The following GUCY1A2 variants were observed in gnomAD, a reference collection of about 807,000 sequenced individuals.
GUCY1A2 encodes the protein guanylate cyclase 1 soluble subunit alpha 2.
A neutral mutation model predicts 63.5 loss-of-function variants in GUCY1A2; 27 were observed. That is an observed-to-expected ratio of 0.43 (90% CI 0.31 to 0.59). The LOEUF is 0.59. Among genes scored for constraint, GUCY1A2 ranks in the 20% least tolerant of loss-of-function variants. The probability of loss-of-function intolerance (pLI) is 0.11; values close to 1 mark genes in which losing one functional copy is unlikely to be tolerated. For synonymous variants in GUCY1A2, 364 were observed against 343.5 expected, an observed-to-expected ratio of 1.06 and a Z score of -0.66; for missense variants, 768 against 913.3, an observed-to-expected ratio of 0.84 and a Z score of 2.05.
chr11:106,801,131 A>T (rs1307791906), intron 5 of GUCY1A2, among the ~76,000 whole-genome samples: 1 of 152,150 alleles, frequency 6.6e-6, no homozygotes, highest in African/African-American at 2.4e-5. Context: ...GATATCCAAC[A>T]CATATTCAAA....
At chr11:107,003,827 C>T (rs1311971281) in intron 1 of GUCY1A2, among the ~76,000 whole-genome samples, 3 of 152,144 alleles carry the variant, frequency 2.0e-5, no homozygotes, top group Non-Finnish European at 4.4e-5. Flanking sequence ...AGGAGATTAG[C>T]ATGCAGGAAA....
At chr11:106,841,572 A>G (rs1236279416) in intron 4 of GUCY1A2, among the ~76,000 whole-genome samples, 1 of 151,928 alleles carries the variant, frequency 6.6e-6, no homozygotes, top group Non-Finnish European at 1.5e-5. Context: ...TTGCCCTTCA[A>G]CCAAGATCAT....
At chr11:106,806,451 G>T (rs903246554) in intron 5 of GUCY1A2, among the ~76,000 whole-genome samples, 1 of 152,116 alleles carries the variant, frequency 6.6e-6, no homozygotes, top group Admixed American at 6.6e-5. Context: ...AAAATCAAAG[G>T]CTTTCCCAAA....
chr11:106,859,532 A>T (rs111329803), intron 4 of GUCY1A2, among the ~76,000 whole-genome samples: 34 of 152,120 alleles, frequency 2.2e-4, no homozygotes, highest in African/African-American at 8.2e-4. Flanking sequence ...TGCAAAAGGC[A>T]TGATCAAAAA....
At chr11:106,706,394 A>G (rs534415796) in intron 7 of GUCY1A2, among the ~76,000 whole-genome samples, 4 of 152,256 alleles carry the variant, frequency 2.6e-5, no homozygotes, top group Admixed American at 2.0e-4. Context: ...GTGCAGAACA[A>G]TAACACAACA....
At chr11:107,014,484 T>C (rs1392245705) in intron 1 of GUCY1A2, among the ~76,000 whole-genome samples, 2 of 152,200 alleles carry the variant, frequency 1.3e-5, no homozygotes, top group South Asian at 2.1e-4. Context: ...AAGTTTCTCA[T>C]TGTTCAAGGC....
chr11:106,926,962 G>C (rs1297019268), intron 4 of GUCY1A2, among the ~76,000 whole-genome samples: 4 of 149,282 alleles, frequency 2.7e-5, no homozygotes, highest in African/African-American at 7.4e-5. Context: ...GGACAATTGT[G>C]CATTCTCTTC....
intron 5 of GUCY1A2, among the ~76,000 whole-genome samples, chr11:106,797,175 T>A (rs1018600853): frequency 6.6e-6 from 1 of 152,090 alleles, no homozygotes; most frequent in African/African-American, 2.4e-5. Context: ...TAGCCATTCG[T>A]CTAATCTTTT....
intron 7 of GUCY1A2, among the ~76,000 whole-genome samples, chr11:106,698,362 A>C (rs1026329199): frequency 6.6e-6 from 1 of 151,236 alleles, no homozygotes; most frequent in African/African-American, 2.4e-5. Flanking sequence ...AACTCAAGTG[A>C]TCCTCTCCCC....
chr11:106,729,524 G>A (rs1366628400), intron 6 of GUCY1A2, among the ~76,000 whole-genome samples: 1 of 152,036 alleles, frequency 6.6e-6, no homozygotes, highest in Non-Finnish European at 1.5e-5. Flanking sequence ...AAATGGAAAG[G>A]AAATTAGAAG....
At chr11:106,921,290 G>C (rs1424559413) in intron 4 of GUCY1A2, among the ~76,000 whole-genome samples, 1 of 151,974 alleles carries the variant, frequency 6.6e-6, no homozygotes, top group East Asian at 1.9e-4. Context: ...GACCTGACTA[G>C]AAAAATCCCT....
chr11:106,873,712 G>A lies in GUCY1A2; in HGVS notation c.1207-63234C>T, dbSNP rs139655400. 3.7e-3 allele frequency among the ~76,000 whole-genome samples: 567 copies of A among 152,156 alleles called. 4 individuals carry two copies. The highest frequency in any genetic ancestry group is 0.011 in the African/African-American group (438 of 41,544). On this transcript the variant is annotated intron_variant, in intron 4 of 7. Coordinates refer to ENST00000526355, the MANE Select transcript of GUCY1A2 (RefSeq NM_000855.3). ...GATTGCAAAAATTTTCTCCCATTCC[G>A]TAGGTTGCCCGTTCACTCTGATGAT...
At chr11:106,760,486 G>C (rs867119907) in intron 6 of GUCY1A2, among the ~76,000 whole-genome samples, 1 of 152,210 alleles carries the variant, frequency 6.6e-6, no homozygotes. Context: ...TTTTATAACA[G>C]TCATAGTTTT....
chr11:106,738,683 T>C (rs889441416), intron 6 of GUCY1A2, among the ~76,000 whole-genome samples: 5 of 152,314 alleles, frequency 3.3e-5, no homozygotes, highest in East Asian at 1.9e-4. Flanking sequence ...GTCAGGTTTG[T>C]CAAAGATTAG....
chr11:106,982,438 C>T (rs930646711), intron 2 of GUCY1A2, among the ~76,000 whole-genome samples: 6 of 152,096 alleles, frequency 3.9e-5, no homozygotes, highest in African/African-American at 1.4e-4. Flanking sequence ...CATAAAGATG[C>T]ACATTCAATG....
At chr11:106,705,715 C>T (rs1862896971) in intron 7 of GUCY1A2, among the ~76,000 whole-genome samples, 1 of 151,962 alleles carries the variant, frequency 6.6e-6, no homozygotes, top group Admixed American at 6.6e-5. Flanking sequence ...AAAAAATTAG[C>T]CAGGTGTGGT....
chr11:106,683,690 T>TG lies in GUCY1A2; in HGVS notation c.*3858dup, dbSNP rs1197950452. The TG allele has an allele frequency of 4.4e-6, 1 of 225,594 alleles. No individual in the cohort carries two copies. Among genetic ancestry groups the TG allele is most frequent in the Non-Finnish European group, 8.8e-6 (1 of 113,188 alleles). 14.0% of individuals were successfully genotyped at this position (225,594 alleles called of 1,614,324 possible). A position where few individuals can be genotyped will look rare whatever the true frequency, so the allele number is the denominator to read the frequency against. ...GAATGGAGTAAGAAAGGGTCCAGAA[T>TG]GGACTGAGTCATTCTCAAAATGACA... On this transcript the variant is annotated 3_prime_UTR_variant, in exon 8 of 8. Transcript: ENST00000526355.
chr11:106,953,128 T>C (rs374780240), intron 3 of GUCY1A2, among the ~76,000 whole-genome samples: 13 of 152,210 alleles, frequency 8.5e-5, no homozygotes, highest in African/African-American at 3.1e-4. Context: ...GGAATGCTTC[T>C]AGCTTTTGCC....
At chr11:106,820,439 C>A (rs993002003) in intron 4 of GUCY1A2, among the ~76,000 whole-genome samples, 1 of 152,110 alleles carries the variant, frequency 6.6e-6, no homozygotes, top group Non-Finnish European at 1.5e-5. Context: ...CACTCTATCA[C>A]CCAGGCTGGA....
Sources: gnomAD v4.1 joint callset for allele counts (sites outside exome capture counted in the v4.1 genomes callset) on GRCh38, gnomAD v4.1.1 for gene constraint, MANE v1.5 for transcripts, NCBI Gene and HGNC (gene_info 2026-07-23, HGNC 2026-07-21) for gene names.